SH3KBP1: variants seen among roughly 807,000 people sequenced by gnomAD.
SH3KBP1 encodes the protein SH3 domain containing kinase binding protein 1, also known as SH3 domain-containing kinase-binding protein 1.
Under a neutral mutation model 50.1 loss-of-function variants are expected in SH3KBP1, and 8 were observed. That is an observed-to-expected ratio of 0.16 (90% CI 0.09 to 0.29). The LOEUF is 0.29. Ranked by LOEUF, SH3KBP1 falls within the 10% of genes least tolerant of loss-of-function variation. SH3KBP1 has a pLI of 1.00. For synonymous variants in SH3KBP1, 227 were observed against 218.6 expected, an observed-to-expected ratio of 1.04 and a Z score of -0.34; for missense variants, 377 against 535.2, an observed-to-expected ratio of 0.70 and a Z score of 2.92.
chrX:19,611,956 G>GAAAAA (rs3036638), intron 8 of SH3KBP1, among the ~76,000 whole-genome samples: 173 of 37,799 alleles, frequency 4.6e-3, no homozygotes, highest in African/African-American at 7.6e-3. Flanking sequence ...AGCAGAAGTA[G>GAAAAA]AAAAAAAAAA....
intron 2 of SH3KBP1, among the ~76,000 whole-genome samples, chrX:19,796,285 C>T (rs188756237): frequency 8.9e-6 from 1 of 111,925 alleles, no homozygotes; most frequent in East Asian, 2.8e-4. Context: ...AACCTATGTG[C>T]TTAGGAACAA....
intron 12 of SH3KBP1, among the ~76,000 whole-genome samples, chrX:19,574,341 A>G (rs978335969): frequency 2.7e-5 from 3 of 112,785 alleles, no homozygotes. Flanking sequence ...ACATTTATGT[A>G]TGCCAAAAAG....
chrX:19,641,226 G>A (rs1000144912), intron 7 of SH3KBP1, among the ~76,000 whole-genome samples: 5 of 111,957 alleles, frequency 4.5e-5, no homozygotes, highest in African/African-American at 6.5e-5. Flanking sequence ...AAGGAACACC[G>A]GCAAGCCAAG....
intron 9 of SH3KBP1, among the ~76,000 whole-genome samples, chrX:19,606,474 C>T (rs1357770605): frequency 8.9e-6 from 1 of 112,509 alleles, no homozygotes; most frequent in Non-Finnish European, 1.9e-5. Context: ...AATGACAATC[C>T]ACTATTGCTA....
At chrX:19,862,930 G>C (rs985929012) in intron 1 of SH3KBP1, among the ~76,000 whole-genome samples, 6 of 111,877 alleles carry the variant, frequency 5.4e-5, no homozygotes, top group African/African-American at 2.0e-4. Flanking sequence ...CTAGGAATTG[G>C]GTGAAAATAT....
intron 2 of SH3KBP1, among the ~76,000 whole-genome samples, chrX:19,835,038 C>CAA (rs1252835765): frequency 4.7e-5 from 2 of 42,373 alleles, no homozygotes; most frequent in South Asian, 1.1e-3. Flanking sequence ...AAGACTGTCT[C>CAA]AAAAAAAAAA....
intron 3 of SH3KBP1, among the ~76,000 whole-genome samples, chrX:19,723,174 G>C (rs1362825924): frequency 2.9e-5 from 3 of 103,406 alleles, no homozygotes; most frequent in Non-Finnish European, 5.9e-5. Context: ...AGTGTTAAAA[G>C]TAAAAGAGTC....
chrX:19,784,578 G>C (rs748786673), intron 2 of SH3KBP1, among the ~76,000 whole-genome samples: 22 of 111,313 alleles, frequency 2.0e-4, no homozygotes, highest in African/African-American at 7.2e-4. Flanking sequence ...CAGAGAGTCT[G>C]AAATTTTCAT....
chrX:19,722,929 G>A (rs1357993437), intron 3 of SH3KBP1, among the ~76,000 whole-genome samples: 1 of 110,124 alleles, frequency 9.1e-6, no homozygotes. Context: ...GAGCTCAGGA[G>A]TTCGAGACTA....
At chrX:19,554,014 A>AGT (rs2065349991) in intron 13 of SH3KBP1, among the ~76,000 whole-genome samples, 1 of 56,866 alleles carries the variant, frequency 1.8e-5, no homozygotes, top group African/African-American at 1.0e-4. Context: ...TATAATATAT[A>AGT]ATATATATTA....
intron 3 of SH3KBP1, among the ~76,000 whole-genome samples, chrX:19,729,638 A>C (rs1262159696): frequency 2.7e-5 from 3 of 111,931 alleles, no homozygotes; most frequent in Admixed American, 9.5e-5. Flanking sequence ...GTGAAAAGGT[A>C]ACTAAGAGCT....
chrX:19,850,240 A>C (rs1309789909), intron 1 of SH3KBP1, among the ~76,000 whole-genome samples: 1 of 110,885 alleles, frequency 9.0e-6, no homozygotes, highest in Non-Finnish European at 1.9e-5. Context: ...GCTGGAGTGC[A>C]GAGGTGCGAT....
chrX:19,616,167 A>G (rs1336776504), intron 8 of SH3KBP1, among the ~76,000 whole-genome samples: 1 of 110,626 alleles, frequency 9.0e-6, no homozygotes, highest in Non-Finnish European at 1.9e-5. Context: ...TTGCCATGTT[A>G]CCCAGGCTAG....
At chrX:19,570,572 G>A (rs1344431540) in intron 12 of SH3KBP1, among the ~76,000 whole-genome samples, 1 of 111,640 alleles carries the variant, frequency 9.0e-6, no homozygotes, top group African/African-American at 3.3e-5. Flanking sequence ...CAGGAGACCT[G>A]TATACCTGGA....
Position 19,887,410 on chromosome X carries a change from G to T in SH3KBP1, c.-100C>A. 1.4e-6 allele frequency: 1 copy of T among 726,373 alleles called. No homozygotes were observed. Among genetic ancestry groups the T allele is most frequent in the Non-Finnish European group, 1.8e-6 (1 of 567,442 alleles). The allele number at this position is 726,373 out of a possible 1,213,427, so 59.9% of individuals were successfully genotyped here. On this transcript the variant is annotated 5_prime_UTR_variant, in exon 1 of 18. Coordinates refer to ENST00000397821, the MANE Select transcript of SH3KBP1 (RefSeq NM_031892.3). ...GATCGGGGCGCTGGGATCCAGGCGCGAGGGTCCGGACGCGGCGGCGGCTGG... is the reference window on the plus strand; with the variant it reads ...GATCGGGGCGCTGGGATCCAGGCGCTAGGGTCCGGACGCGGCGGCGGCTGG...
intron 5 of SH3KBP1, among the ~76,000 whole-genome samples, chrX:19,688,930 G>A (rs1180164992): frequency 9.0e-6 from 1 of 111,083 alleles, no homozygotes; most frequent in South Asian, 3.8e-4. Flanking sequence ...GTTAAAATGG[G>A]AAACCCAAGA....
At chrX:19,808,738 G>T (rs779296246) in intron 2 of SH3KBP1, among the ~76,000 whole-genome samples, 1 of 111,817 alleles carries the variant, frequency 8.9e-6, no homozygotes, top group South Asian at 3.7e-4. Flanking sequence ...GTAAACAAAT[G>T]CTCAGGTCCT....
chrX:19,800,254 G>A (rs1210194725), intron 2 of SH3KBP1, among the ~76,000 whole-genome samples: 3 of 112,165 alleles, frequency 2.7e-5, no homozygotes, highest in Admixed American at 9.4e-5. Context: ...AAATGACTTC[G>A]CAAAGCAGAG....
intron 12 of SH3KBP1, among the ~76,000 whole-genome samples, chrX:19,587,186 C>T (rs1431825432): frequency 2.0e-5 from 2 of 102,145 alleles, no homozygotes; most frequent in Non-Finnish European, 4.0e-5. Flanking sequence ...TGCGCCATTG[C>T]ACTCCAGCCA....
Sources: gnomAD v4.1 joint callset for allele counts (sites outside exome capture counted in the v4.1 genomes callset) on GRCh38, gnomAD v4.1.1 for gene constraint, MANE v1.5 for transcripts, NCBI Gene and HGNC (gene_info 2026-07-23, HGNC 2026-07-21) for gene names.